Variants in NEDD4 observed in about 807,000 individuals in gnomAD.
NEDD4 encodes E3 ubiquitin-protein ligase NEDD4.
Under a neutral mutation model 144.9 loss-of-function variants are expected in NEDD4, and 99 were observed. That is an observed-to-expected ratio of 0.68 (90% CI 0.58 to 0.81). The LOEUF (loss-of-function observed/expected upper bound fraction) is 0.81, where lower values mean the gene tolerates loss of function less well. Among genes scored for constraint, NEDD4 ranks in the 30% least tolerant of loss-of-function variants. NEDD4 has a pLI of 0.00. For missense variants in NEDD4, 985 were observed against 1,065.9 expected, an observed-to-expected ratio of 0.92 and a Z score of 1.06; for synonymous variants, 318 against 350.6, an observed-to-expected ratio of 0.91 and a Z score of 1.04.
chr15:55,840,362 C>A, intron 21 of NEDD4, 85 bp downstream of exon 21: 1 of 1,143,192 alleles, frequency 8.7e-7, no homozygotes, highest in Non-Finnish European at 1.2e-6. Context: ...TATTAATTTC[C>A]ATGTCATTAA....
At chr15:55,866,555 T>C (rs2034595216) in intron 8 of NEDD4, among the ~76,000 whole-genome samples, 1 of 152,166 alleles carries the variant, frequency 6.6e-6, no homozygotes, top group Admixed American at 6.5e-5. Flanking sequence ...TCCTTTAAGA[T>C]TAATACAATT....
At chr15:55,911,517 T>C (rs1168017254) in intron 5 of NEDD4, among the ~76,000 whole-genome samples, 1 of 151,970 alleles carries the variant, frequency 6.6e-6, no homozygotes, top group East Asian at 1.9e-4. Flanking sequence ...GCACATCACA[T>C]ATTAGACTGA....
chr15:55,942,279 T>C (rs1450584925), intron 4 of NEDD4, among the ~76,000 whole-genome samples: 1 of 152,184 alleles, frequency 6.6e-6, no homozygotes, highest in Admixed American at 6.5e-5. Context: ...TGAAGTCTAA[T>C]TTGGCTAATG....
In NEDD4 at chr15:55,916,029, A is replaced by G. The variant is rs138346814; in HGVS notation, c.291+8617T>C. 5.8e-4 allele frequency: 932 copies of G among 1,613,938 alleles called. 2 individuals are homozygous for G. The highest frequency in any genetic ancestry group is 7.3e-4 in the Non-Finnish European group (864 of 1,179,902). ...GGTAGTTGAAGGACTCCTAGGAAAA[A>G]TGACTAAGGAGGAGTAACGTTTTAG... On this transcript the variant is annotated intron_variant, in intron 5 of 28. Transcript: ENST00000435532.
chr15:55,841,658 G>A lies in NEDD4; in HGVS notation c.1838+276C>T, dbSNP rs928491890. Among the ~76,000 whole-genome samples, 20 of 151,812 alleles carry A rather than the reference G, an allele frequency of 1.3e-4. No homozygotes were observed. In the South Asian group the frequency reaches 1.9e-3, roughly 14 times the overall value. On this transcript the variant is annotated intron_variant, in intron 19 of 28. Transcript: ENST00000435532. The stretch of plus-strand genomic sequence containing the variant: ...AGTGCAGTGGCGTGATCTCGGCTCC[G>A]CCTTCCGGGTTCACGCCATTCTCCT...
chr15:55,983,306 G>A (rs907522588), intron 1 of NEDD4, among the ~76,000 whole-genome samples: 8 of 152,078 alleles, frequency 5.3e-5, no homozygotes, highest in African/African-American at 9.7e-5. Context: ...GTGTGCGTGC[G>A]CGCGCGTGCG....
intron 21 of NEDD4, 62 bp downstream of exon 21, chr15:55,840,385 C>T: frequency 7.0e-7 from 1 of 1,431,474 alleles, no homozygotes; most frequent in Non-Finnish European, 9.5e-7. Flanking sequence ...GCAAATTCTT[C>T]AAAATGTTCA....
At chr15:55,933,446 G>A (rs547490321) in intron 4 of NEDD4, among the ~76,000 whole-genome samples, 117 of 148,058 alleles carry the variant, frequency 7.9e-4, no homozygotes, top group South Asian at 4.9e-3. Context: ...ACCAAACACC[G>A]CATGTTCTCA....
intron 5 of NEDD4, chr15:55,916,363 T>C (rs2036444186): frequency 3.1e-6 from 5 of 1,613,922 alleles, no homozygotes; most frequent in Non-Finnish European, 4.2e-6. Flanking sequence ...CCATTATCAC[T>C]GGTTGAAAAG....
chr15:55,832,044 A>G (rs1237222249), intron 27 of NEDD4, among the ~76,000 whole-genome samples: 7 of 152,212 alleles, frequency 4.6e-5, no homozygotes, highest in Non-Finnish European at 1.0e-4. Flanking sequence ...ATAATTTGAT[A>G]GAATACATAG....
intron 11 of NEDD4, among the ~76,000 whole-genome samples, chr15:55,856,521 T>C (rs17819270): frequency 0.066 from 10,087 of 152,316 alleles, 432 homozygotes; most frequent in Non-Finnish European, 0.098. Flanking sequence ...TTTCATCTTT[T>C]GTCACTTTGA....
chr15:55,830,706 A>G (rs2032908416), intron 27 of NEDD4, 120 bp from the exon 28 acceptor site: 2 of 761,042 alleles, frequency 2.6e-6, no homozygotes, highest in African/African-American at 1.8e-5. Flanking sequence ...TGGTTTATTT[A>G]TTTATATTTT....
chr15:55,950,599 C>T (rs2037220164), intron 4 of NEDD4, among the ~76,000 whole-genome samples: 1 of 151,936 alleles, frequency 6.6e-6, no homozygotes, highest in Non-Finnish European at 1.5e-5. Context: ...CACTGGTGAC[C>T]CGAATAACAG....
intron 1 of NEDD4, among the ~76,000 whole-genome samples, chr15:55,989,064 C>T (rs1270235756): frequency 2.0e-5 from 3 of 152,038 alleles, no homozygotes; most frequent in East Asian, 3.9e-4. Flanking sequence ...GGTAAAACCC[C>T]ATCTCTACCA....
intron 1 of NEDD4, among the ~76,000 whole-genome samples, chr15:55,968,943 A>C (rs768360144): frequency 1.3e-5 from 2 of 152,188 alleles, no homozygotes; most frequent in African/African-American, 2.4e-5. Context: ...AATTATTCTA[A>C]CAAGAAAGCA....
intron 18 of NEDD4, among the ~76,000 whole-genome samples, chr15:55,846,010 C>T (rs533729667): frequency 1.3e-5 from 2 of 152,064 alleles, no homozygotes; most frequent in Admixed American, 6.6e-5. Flanking sequence ...TGGTCGTGAA[C>T]TCCTGACCTC....
At chr15:55,930,734 G>T (rs573911741) in intron 4 of NEDD4, among the ~76,000 whole-genome samples, 1 of 152,142 alleles carries the variant, frequency 6.6e-6, no homozygotes, top group Admixed American at 6.6e-5. Context: ...TGTTCTCCTG[G>T]TAATGAATAA....
At chr15:55,931,375 A>G (rs888265355) in intron 4 of NEDD4, among the ~76,000 whole-genome samples, 14 of 152,344 alleles carry the variant, frequency 9.2e-5, no homozygotes, top group African/African-American at 3.4e-4. Context: ...TTTCATTATA[A>G]GCCCTTTTAT....
chr15:55,992,601 T>A (rs1385340778), intron 1 of NEDD4, among the ~76,000 whole-genome samples: 1 of 152,230 alleles, frequency 6.6e-6, no homozygotes, highest in Non-Finnish European at 1.5e-5. Flanking sequence ...CCAGTCACTG[T>A]TAGACTACAT....
Sources: gnomAD v4.1 joint callset for allele counts (sites outside exome capture counted in the v4.1 genomes callset) on GRCh38, gnomAD v4.1.1 for gene constraint, MANE v1.5 for transcripts, NCBI Gene and HGNC (gene_info 2026-07-23, HGNC 2026-07-21) for gene names.